Variants in SYNPR observed in about 807,000 individuals in gnomAD.
The protein encoded by SYNPR is synaptoporin.
A neutral mutation model predicts 32.9 loss-of-function variants in SYNPR; 23 were observed. The ratio of observed to expected loss-of-function variants is 0.70; its 90% CI spans 0.50 to 0.99. SYNPR has a LOEUF of 0.99. Among genes scored for constraint, SYNPR ranks in the 50% least tolerant of loss-of-function variants. The pLI is 0.00. For missense variants in SYNPR, 318 were observed against 349.3 expected, an observed-to-expected ratio of 0.91 and a Z score of 0.71; for synonymous variants, 146 against 135.9, an observed-to-expected ratio of 1.07 and a Z score of -0.52.
At chr3:63,360,687 T>C (rs1481438222) in intron 2 of SYNPR, among the ~76,000 whole-genome samples, 1 of 152,198 alleles carries the variant, frequency 6.6e-6, no homozygotes, top group Non-Finnish European at 1.5e-5. Context: ...TGGTATTTTC[T>C]AACTCCCCTT....
At chr3:63,248,556 GA>G (rs1298191786) in intron 1 of SYNPR, among the ~76,000 whole-genome samples, 1 of 152,228 alleles carries the variant, frequency 6.6e-6, no homozygotes, top group East Asian at 1.9e-4. Context: ...GAGGTGTTGA[GA>G]AAAAATTAAT....
chr3:63,533,951 C>T (rs570368584), intron 3 of SYNPR, among the ~76,000 whole-genome samples: 2 of 152,054 alleles, frequency 1.3e-5, no homozygotes, highest in Non-Finnish European at 2.9e-5. Context: ...TTGCTACTGT[C>T]GATGACAGTA....
chr3:63,395,259 G>A (rs985523225), intron 2 of SYNPR, among the ~76,000 whole-genome samples: 4 of 152,286 alleles, frequency 2.6e-5, no homozygotes, highest in Non-Finnish European at 5.9e-5. Flanking sequence ...TTTACACATT[G>A]ATTCTTGCCT....
intron 4 of SYNPR, among the ~76,000 whole-genome samples, chr3:63,563,395 G>C (rs1475364422): frequency 6.6e-6 from 1 of 152,170 alleles, no homozygotes; most frequent in African/African-American, 2.4e-5. Flanking sequence ...TATGGAGCTG[G>C]ATGCTCAAAT....
intron 3 of SYNPR, among the ~76,000 whole-genome samples, chr3:63,538,660 A>G (rs1490411901): frequency 6.6e-6 from 1 of 152,066 alleles, no homozygotes; most frequent in Non-Finnish European, 1.5e-5. Context: ...TGCCCCCACC[A>G]TCAGCAAGAG....
chr3:63,368,913 C>A (rs957339907), intron 2 of SYNPR, among the ~76,000 whole-genome samples: 1 of 152,180 alleles, frequency 6.6e-6, no homozygotes, highest in African/African-American at 2.4e-5. Flanking sequence ...TTGAGAAGGA[C>A]ACCTTACATG....
At chr3:63,378,775 T>C (rs2087928007) in intron 2 of SYNPR, among the ~76,000 whole-genome samples, 1 of 152,014 alleles carries the variant, frequency 6.6e-6, no homozygotes, top group Non-Finnish European at 1.5e-5. Context: ...TTTTTTTTTC[T>C]ACTGTTATTT....
chr3:63,382,362 T>C (rs1465769436), intron 2 of SYNPR, among the ~76,000 whole-genome samples: 1 of 152,214 alleles, frequency 6.6e-6, no homozygotes, highest in Non-Finnish European at 1.5e-5. Context: ...TAGTTAGGGT[T>C]CTCCATTACA....
intron 4 of SYNPR, among the ~76,000 whole-genome samples, chr3:63,602,381 T>C (rs966303862): frequency 1.3e-5 from 2 of 152,208 alleles, no homozygotes; most frequent in African/African-American, 4.8e-5. Flanking sequence ...TTTTTGTTTT[T>C]ATCACAATTG....
intron 1 of SYNPR, among the ~76,000 whole-genome samples, chr3:63,235,519 C>T (rs1277424766): frequency 6.6e-6 from 1 of 152,120 alleles, no homozygotes; most frequent in Non-Finnish European, 1.5e-5. Flanking sequence ...TTTTGGGCCC[C>T]ACTCTTGAAT....
Position 63,615,299 on chromosome 3 carries a change from T to C in SYNPR, c.676T>C (p.Ser226Pro). The change falls in exon 6 of 6, where the codon TCG becomes CCG. Residue 226 changes from serine (S) to proline (P), a missense_variant. Ser to Pro is a moderately conservative substitution (Grantham distance 74). Coordinates refer to ENST00000478300, the MANE Select transcript of SYNPR (RefSeq NM_001130003.2). ...FVFKETGWHS[S>P]GQRYLSDPME... ...TTTCAAGGAGACCGGCTGGCATTCT[T>C]CGGGACAGAGATATCTTTCAGATCC... 6.2e-7 allele frequency: 1 copy of C among 1,613,874 alleles called. No individual in the cohort carries two copies. Among genetic ancestry groups the C allele is most frequent in the Non-Finnish European group, 8.5e-7 (1 of 1,179,854 alleles).
chr3:63,348,386 G>T (rs115081831), intron 2 of SYNPR, among the ~76,000 whole-genome samples: 6,558 of 151,446 alleles, frequency 0.043, 422 homozygotes, highest in African/African-American at 0.15. Flanking sequence ...ATTTGTTGTT[G>T]TTTTTTTTGA....
chr3:63,418,439 G>A (rs1209982186), intron 2 of SYNPR, among the ~76,000 whole-genome samples: 1 of 152,142 alleles, frequency 6.6e-6, no homozygotes, highest in Non-Finnish European at 1.5e-5. Flanking sequence ...CTGCCTGTTA[G>A]CCAGTTCCAA....
intron 4 of SYNPR, among the ~76,000 whole-genome samples, chr3:63,594,542 C>T (rs1292331301): frequency 1.3e-5 from 2 of 152,142 alleles, no homozygotes; most frequent in African/African-American, 2.4e-5. Flanking sequence ...ACTGTGGAGC[C>T]AAACTCCCTC....
At chr3:63,472,095 G>A (rs979195756) in intron 2 of SYNPR, among the ~76,000 whole-genome samples, 5 of 152,270 alleles carry the variant, frequency 3.3e-5, no homozygotes, top group Admixed American at 3.3e-4. Flanking sequence ...GGACGATCAG[G>A]GCTTTGTCTT....
chr3:63,236,071 T>C (rs2086198581), intron 1 of SYNPR, among the ~76,000 whole-genome samples: 1 of 152,154 alleles, frequency 6.6e-6, no homozygotes, highest in South Asian at 2.1e-4. Flanking sequence ...GGTTTCTTTT[T>C]TTTTTTTCTT....
chr3:63,207,109 T>C, the SYNPR span, among the ~76,000 whole-genome samples: 7 of 152,178 alleles, frequency 4.6e-5, no homozygotes, highest in Non-Finnish European at 1.0e-4. Context: ...GGAATTATAC[T>C]TAGTTCTTGT....
chr3:63,564,013 G>A (rs1326804469), intron 4 of SYNPR, among the ~76,000 whole-genome samples: 1 of 150,270 alleles, frequency 6.7e-6, no homozygotes, highest in Non-Finnish European at 1.5e-5. Flanking sequence ...GCATCTTGAG[G>A]TTGGTGAGCA....
chr3:63,545,178 G>A (rs760373748), intron 3 of SYNPR, among the ~76,000 whole-genome samples: 37 of 152,028 alleles, frequency 2.4e-4, no homozygotes, highest in Non-Finnish European at 5.3e-4. Context: ...GACTAGATGA[G>A]GTAAGTAATG....
Sources: allele counts gnomAD v4.1 joint callset (sites outside exome capture counted in the v4.1 genomes callset), GRCh38; gene constraint gnomAD v4.1.1; transcripts MANE v1.5; gene names NCBI Gene and HGNC (gene_info 2026-07-23, HGNC 2026-07-21).